ZBTB8A: variants seen among roughly 807,000 people sequenced by gnomAD.
ZBTB8A encodes zinc finger and BTB domain-containing protein 8A.
Under a neutral mutation model 37.8 loss-of-function variants are expected in ZBTB8A, and 19 were observed. The observed-to-expected ratio is 0.50, with a 90% confidence interval of 0.35 to 0.74. ZBTB8A has a LOEUF of 0.74. ZBTB8A is among the 30% of genes least tolerant of loss of function. ZBTB8A has a pLI of 0.01. For synonymous variants in ZBTB8A, 181 were observed against 185.2 expected (o/e 0.98, Z 0.19); for missense variants, 394 against 537.8 (o/e 0.73, Z 2.65).
chr1:32,596,453 C>T (rs1644532499), intron 4 of ZBTB8A, among the ~76,000 whole-genome samples: 1 of 151,874 alleles, frequency 6.6e-6, no homozygotes, highest in Non-Finnish European at 1.5e-5. Flanking sequence ...TGGTAGCGCA[C>T]ACCTATAATC....
At chr1:32,590,966 T>C (rs1201932637) in intron 2 of ZBTB8A, among the ~76,000 whole-genome samples, 1 of 151,776 alleles carries the variant, frequency 6.6e-6, no homozygotes, top group Non-Finnish European at 1.5e-5. Flanking sequence ...CAATCTCAAC[T>C]CGCTGCAACC....
chr1:32,573,761 T>A (rs1469633427), intron 2 of ZBTB8A, among the ~76,000 whole-genome samples: 40 of 144,576 alleles, frequency 2.8e-4, no homozygotes, highest in East Asian at 2.1e-4. Context: ...TTTTTTTTTT[T>A]AATATAAGAA....
intron 2 of ZBTB8A, among the ~76,000 whole-genome samples, chr1:32,570,818 T>C (rs1644317350): frequency 6.6e-6 from 1 of 152,168 alleles, no homozygotes; most frequent in Non-Finnish European, 1.5e-5. Context: ...GTATACATAA[T>C]TGTGTCATCT....
Position 32,567,807 on chromosome 1 carries a change from A to C in ZBTB8A, c.-2+14267A>C, listed in dbSNP as rs1156655338. ...ATTCTGTCTCAAAAAAAAAAAAAAA[A>C]AAAAAAAAAAAAAAAACAAAAACAA... On this transcript the variant is annotated intron_variant, in intron 2 of 4. Coordinates refer to ENST00000373510, the MANE Select transcript of ZBTB8A (RefSeq NM_001040441.3). Among the ~76,000 whole-genome samples, 18 of 44,850 alleles carry C rather than the reference A, an allele frequency of 4.0e-4. 1 individual carries two copies. The East Asian group carries it at 6.7e-3, about 17-fold the overall frequency. The allele number at this position is 44,850 out of a possible 152,430, so 29.4% of individuals were successfully genotyped here. A position where few individuals can be genotyped will look rare whatever the true frequency, so the allele number is the denominator to read the frequency against.
chr1:32,600,288 T>C lies in ZBTB8A; in HGVS notation c.1195T>C (p.Trp399Arg). The C allele has an allele frequency of 6.2e-7, 1 of 1,614,190 alleles. No homozygotes were observed. The highest frequency in any genetic ancestry group is 1.1e-5 in the South Asian group (1 of 91,086). The change falls in exon 5 of 5, where the codon TGG (tryptophan) becomes CGG (arginine). Residue 399 changes from tryptophan to arginine, a missense_variant. Trp to Arg is a moderately radical substitution (Grantham distance 101). Transcript: ENST00000373510. ...SPSDGDKDSRWHLSEDENRSY... is the reference protein window; with the variant it reads ...SPSDGDKDSRRHLSEDENRSY... The stretch of plus-strand genomic sequence containing the variant: ...ATCAGATGGAGATAAGGATTCCAGA[T>C]GGCACTTGAGTGAAGATGAGAATAG...
At chr1:32,544,539 G>A (rs1287962236) in intron 1 of ZBTB8A, among the ~76,000 whole-genome samples, 7 of 152,144 alleles carry the variant, frequency 4.6e-5, no homozygotes, top group Admixed American at 4.6e-4. Flanking sequence ...TCCACTAAAA[G>A]TACAAAAATT....
chr1:32,548,773 T>G (rs1428056560), intron 1 of ZBTB8A, among the ~76,000 whole-genome samples: 1 of 152,252 alleles, frequency 6.6e-6, no homozygotes, highest in East Asian at 1.9e-4. Context: ...GGGCTTGTTA[T>G]AAGCCAGGCA....
At chr1:32,568,495 T>C (rs1364939890) in intron 2 of ZBTB8A, among the ~76,000 whole-genome samples, 1 of 152,040 alleles carries the variant, frequency 6.6e-6, no homozygotes, top group Non-Finnish European at 1.5e-5. Context: ...CACGCCATTC[T>C]CCTGCCTCAG....
intron 2 of ZBTB8A, among the ~76,000 whole-genome samples, chr1:32,563,687 G>C (rs912287420): frequency 6.6e-6 from 1 of 152,054 alleles, no homozygotes; most frequent in African/African-American, 2.4e-5. Flanking sequence ...TGGCCAGGCT[G>C]GTCTCGAACT....
chr1:32,546,640 A>G (rs1490360793), intron 1 of ZBTB8A, among the ~76,000 whole-genome samples: 1 of 152,018 alleles, frequency 6.6e-6, no homozygotes, highest in African/African-American at 2.4e-5. Context: ...TCAAGAATTT[A>G]AAAAAGGAAA....
chr1:32,549,476 G>T (rs1644133559), intron 1 of ZBTB8A, among the ~76,000 whole-genome samples: 1 of 148,564 alleles, frequency 6.7e-6, no homozygotes, highest in Non-Finnish European at 1.5e-5. Context: ...CCTGGGCAAC[G>T]AGTAAAACTC....
intron 2 of ZBTB8A, among the ~76,000 whole-genome samples, chr1:32,592,194 G>A (rs1192194145): frequency 6.6e-6 from 1 of 152,004 alleles, no homozygotes; most frequent in African/African-American, 2.4e-5. Context: ...TCTGTGTCTT[G>A]GCGATTATAT....
chr1:32,565,333 C>G (rs969726288), intron 2 of ZBTB8A, among the ~76,000 whole-genome samples: 1 of 151,436 alleles, frequency 6.6e-6, no homozygotes, highest in East Asian at 2.0e-4. Context: ...CCCCTCCCCC[C>G]AAAAAAAGAA....
chr1:32,593,609 A>C lies in ZBTB8A; in HGVS notation c.678A>C (p.Ser226=). ...SQPSEVTHYK[S]SKREVRTSDS... ...CTTCTGAAGTTACTCATTATAAGTC[A>C]AGCAAACGAGAAGTACGAACATCTG... Residue 226 remains serine (S), a synonymous_variant, in exon 3 of 5, where the codon TCA becomes TCC. Coordinates refer to ENST00000373510, the MANE Select transcript of ZBTB8A (RefSeq NM_001040441.3). 6.2e-7 allele frequency: 1 copy of C among 1,614,226 alleles called. No individual in the cohort carries two copies. Among genetic ancestry groups the C allele is most frequent in the Non-Finnish European group, 8.5e-7 (1 of 1,180,046 alleles).
intron 3 of ZBTB8A, among the ~76,000 whole-genome samples, chr1:32,594,319 T>C (rs2148251496): frequency 6.6e-6 from 1 of 152,242 alleles, no homozygotes; most frequent in African/African-American, 2.4e-5. Flanking sequence ...AAACCCATGA[T>C]TTTCCAAACC....
At chr1:32,547,695 G>C (rs1644117452) in intron 1 of ZBTB8A, among the ~76,000 whole-genome samples, 1 of 149,332 alleles carries the variant, frequency 6.7e-6, no homozygotes, top group African/African-American at 2.5e-5. Flanking sequence ...GCACACACTT[G>C]TATTCAGAAG....
chr1:32,558,674 G>C lies in ZBTB8A; in HGVS notation c.-2+5134G>C, dbSNP rs144645544. Among the ~76,000 whole-genome samples, 390 of 152,232 alleles carry C rather than the reference G, an allele frequency of 2.6e-3. 3 individuals carry two copies. Among genetic ancestry groups the C allele is most frequent in the African/African-American group, 8.9e-3 (370 of 41,538 alleles). On this transcript the variant is annotated intron_variant, in intron 2 of 4. Coordinates refer to ENST00000373510, the MANE Select transcript of ZBTB8A (RefSeq NM_001040441.3). ...TGGCCTGGGATGGTTCCTGGGTCCT[G>C]GATTAGGCACTGGAGGAAAATAGTG...
At chr1:32,589,735 A>G (rs913098852) in intron 2 of ZBTB8A, among the ~76,000 whole-genome samples, 4 of 151,190 alleles carry the variant, frequency 2.6e-5, no homozygotes, top group African/African-American at 7.3e-5. Context: ...TATTTTTAGT[A>G]GAGACGGGGT....
chr1:32,594,173 G>A lies in ZBTB8A; in HGVS notation c.823+419G>A, dbSNP rs150860119. Among the ~76,000 whole-genome samples, 293 of 147,130 alleles carry A rather than the reference G, an allele frequency of 2.0e-3. 1 individual carries two copies. The highest frequency in any genetic ancestry group is 7.0e-3 in the African/African-American group (278 of 39,968). On this transcript the variant is annotated intron_variant, in intron 3 of 4. Coordinates refer to ENST00000373510, the MANE Select transcript of ZBTB8A (RefSeq NM_001040441.3). ...TACACCACTGCACTCCATCCTGGGCGATAGAGTGAGACTCTGTCTCAAAAA... is the reference window on the plus strand; with the variant it reads ...TACACCACTGCACTCCATCCTGGGCAATAGAGTGAGACTCTGTCTCAAAAA...
Sources: allele counts gnomAD v4.1 joint callset (sites outside exome capture counted in the v4.1 genomes callset), GRCh38; gene constraint gnomAD v4.1.1; transcripts MANE v1.5; gene names NCBI Gene and HGNC (gene_info 2026-07-23, HGNC 2026-07-21).